The following MET variants were observed in gnomAD, a reference collection of about 807,000 sequenced individuals.
MET encodes the protein MET proto-oncogene, receptor tyrosine kinase, also known as hepatocyte growth factor receptor.
Under a neutral mutation model 133.1 loss-of-function variants are expected in MET, and 48 were observed. That is an observed-to-expected ratio of 0.36 (90% CI 0.29 to 0.46). The LOEUF (loss-of-function observed/expected upper bound fraction) is 0.46, where lower values mean the gene tolerates loss of function less well. Among genes scored for constraint, MET ranks in the 20% least tolerant of loss-of-function variants. MET has a pLI of 1.00. For synonymous variants in MET, 628 were observed against 616.5 expected (o/e 1.02, Z -0.28); for missense variants, 1,442 against 1,695.9 (o/e 0.85, Z 2.63).
chr7:116,784,531 G>A (rs981251985), intron 19 of MET, among the ~76,000 whole-genome samples: 2 of 152,178 alleles, frequency 1.3e-5, no homozygotes, highest in African/African-American at 4.8e-5. Context: ...TACATGGCAG[G>A]AGCAGGACCA....
intron 2 of MET, 90 bp from the exon 3 acceptor site, chr7:116,731,578 T>C: frequency 7.5e-7 from 1 of 1,339,430 alleles, no homozygotes; most frequent in African/African-American, 1.4e-5. Context: ...GCCATTATCC[T>C]CCAGGCTCTG....
intron 1 of MET, among the ~76,000 whole-genome samples, chr7:116,697,777 AAG>A (rs770292593): frequency 2.6e-5 from 4 of 152,152 alleles, no homozygotes; most frequent in Admixed American, 1.3e-4. Flanking sequence ...TAATAATCCT[AAG>A]TACAGGCTGT....
rs190138665 is a variant in MET, at chr7:116,705,392, A to T, written c.1200+5108A>T. Among the ~76,000 whole-genome samples the T allele has an allele frequency of 9.0e-3, 1,374 of 152,270 alleles. 11 individuals are homozygous for T. Among genetic ancestry groups the T allele is most frequent in the Non-Finnish European group, 0.012 (827 of 67,976 alleles). On this transcript the variant is annotated intron_variant, in intron 2 of 20. Coordinates refer to ENST00000397752, the MANE Select transcript of MET (RefSeq NM_000245.4). ...ATGTGGAGTCAATGTTACAAATAACATCCATGTGATTATACTGGTTTGGCA... is the reference window on the plus strand; with the variant it reads ...ATGTGGAGTCAATGTTACAAATAACTTCCATGTGATTATACTGGTTTGGCA...
intron 6 of MET, among the ~76,000 whole-genome samples, chr7:116,756,619 C>T (rs1166204866): frequency 6.6e-6 from 1 of 152,120 alleles, no homozygotes; most frequent in Non-Finnish European, 1.5e-5. Flanking sequence ...TAAATTTTCT[C>T]AGAACTATAT....
intron 15 of MET, among the ~76,000 whole-genome samples, chr7:116,775,541 T>C (rs532971193): frequency 6.6e-6 from 1 of 151,984 alleles, no homozygotes; most frequent in South Asian, 2.1e-4. Context: ...CCGTCTCTAC[T>C]AAAAAAATAC....
chr7:116,739,801 T>C (rs1793372229), intron 3 of MET, 149 bp from the exon 4 acceptor site: 4 of 1,096,126 alleles, frequency 3.6e-6, no homozygotes, highest in Non-Finnish European at 5.5e-6. Flanking sequence ...AGATGACATA[T>C]TGATTTACAA....
At position 116,758,233 on chromosome 7, in the gene MET, G is replaced by A. The variant is rs566133571; in HGVS notation, c.2103-226G>A. ...ATCAAGTACCAAAAGTACTTTAAAG[G>A]TTTTTTTTTCAAATCTCAAATGTTT... On this transcript the variant is annotated intron_variant, in intron 8 of 20. Transcript: ENST00000397752. Among the ~76,000 whole-genome samples, 8 of 150,832 alleles carry A rather than the reference G, an allele frequency of 5.3e-5. No homozygotes were observed. In the East Asian group the frequency reaches 1.6e-3, roughly 29 times the overall value.
intron 19 of MET, among the ~76,000 whole-genome samples, chr7:116,794,739 C>A (rs168686): frequency 0.35 from 52,919 of 152,040 alleles, 11,029 homozygotes; most frequent in East Asian, 0.47. Context: ...GTTGCTGGGC[C>A]AGAACTGCCC....
chr7:116,685,685 CA>C (rs1001140887), intron 1 of MET, among the ~76,000 whole-genome samples: 29 of 151,786 alleles, frequency 1.9e-4, no homozygotes, highest in African/African-American at 6.5e-4. Flanking sequence ...GACTCCATGT[CA>C]AAAAAATAAA....
At position 116,699,399 on chromosome 7, in the gene MET, C is replaced by T. The variant is rs1428685262; in HGVS notation, c.315C>T (p.Ala105=). 1.2e-6 allele frequency: 2 copies of T among 1,613,880 alleles called. No individual in the cohort carries two copies. The highest frequency in any genetic ancestry group is 1.7e-6 in the Non-Finnish European group (2 of 1,179,950). The stretch of plus-strand genomic sequence containing the variant: ...CATGTCAGGACTGCAGCAGCAAAGC[C>T]AATTTATCAGGAGGTGTTTGGAAAG... ...CFPCQDCSSK[A]NLSGGVWKDN... is the part of the protein sequence containing the mutation. Residue 105 remains alanine (A), a synonymous_variant, in exon 2 of 21, where the codon GCC becomes GCT. Transcript: ENST00000397752.
At chr7:116,755,166 T>A (rs1170508478) in intron 5 of MET, among the ~76,000 whole-genome samples, 189 bp from the exon 6 acceptor site, 3 of 152,240 alleles carry the variant, frequency 2.0e-5, no homozygotes, top group African/African-American at 4.8e-5. Flanking sequence ...GTAGTTTTAA[T>A]GTTTGTTCCA....
intron 1 of MET, among the ~76,000 whole-genome samples, chr7:116,694,018 T>A (rs1214435284): frequency 6.6e-6 from 1 of 152,212 alleles, no homozygotes; most frequent in African/African-American, 2.4e-5. Flanking sequence ...AGTGATTGGA[T>A]TTAAACCCTA....
At chr7:116,771,711 G>A (rs1794839540) in intron 13 of MET, 57 bp downstream of exon 13, 3 of 1,608,912 alleles carry the variant, frequency 1.9e-6, no homozygotes, top group Admixed American at 1.7e-5. Context: ...AGTCATTACA[G>A]TTTAAGATTG....
chr7:116,744,586 G>A (rs190002206), intron 5 of MET, among the ~76,000 whole-genome samples: 58 of 152,256 alleles, frequency 3.8e-4, no homozygotes, highest in African/African-American at 1.3e-3. Context: ...AAAGTTACAG[G>A]GAGAATGGAA....
At chr7:116,737,470 T>C (rs1436010421) in intron 3 of MET, among the ~76,000 whole-genome samples, 2 of 152,214 alleles carry the variant, frequency 1.3e-5, no homozygotes, top group Non-Finnish European at 2.9e-5. Flanking sequence ...ACTCTGGTGC[T>C]CCAAGAGCCT....
intron 1 of MET, among the ~76,000 whole-genome samples, chr7:116,676,958 A>C (rs940885371): frequency 1.3e-5 from 2 of 151,688 alleles, no homozygotes; most frequent in African/African-American, 4.9e-5. Context: ...TTTATGAGAC[A>C]TGGAAGAAGA....
chr7:116,740,164 T>A (rs938976885), intron 4 of MET, 80 bp downstream of exon 4: 2 of 1,505,746 alleles, frequency 1.3e-6, no homozygotes, highest in African/African-American at 2.7e-5. Context: ...CTTGGCCCTT[T>A]ATAATGTCTC....
intron 10 of MET, among the ~76,000 whole-genome samples, chr7:116,760,713 A>T (rs1422933094): frequency 6.6e-6 from 1 of 152,206 alleles, no homozygotes; most frequent in Non-Finnish European, 1.5e-5. Context: ...ACCAAATAAT[A>T]AGGTCATTTC....
intron 5 of MET, among the ~76,000 whole-genome samples, chr7:116,749,410 C>G (rs185789054): frequency 6.6e-6 from 1 of 152,242 alleles, no homozygotes; most frequent in African/African-American, 2.4e-5. Context: ...ATTCAACACC[C>G]CTTCGTGCTA....
Sources: gnomAD v4.1 joint callset for allele counts (sites outside exome capture counted in the v4.1 genomes callset) on GRCh38, gnomAD v4.1.1 for gene constraint, MANE v1.5 for transcripts, NCBI Gene and HGNC (gene_info 2026-07-23, HGNC 2026-07-21) for gene names.